The following DMXL2 variants were observed in gnomAD, a reference collection of about 807,000 sequenced individuals.
DMXL2 encodes dmX-like protein 2.
A neutral mutation model predicts 331.1 loss-of-function variants in DMXL2; 103 were observed. The ratio of observed to expected loss-of-function variants is 0.31; its 90% CI spans 0.27 to 0.37. DMXL2 has a LOEUF of 0.37. DMXL2 is among the 10% of genes least tolerant of loss of function. DMXL2 has a pLI of 1.00. For missense variants in DMXL2, 3,171 were observed against 3,642.9 expected (o/e 0.87, Z 3.33); for synonymous variants, 1,281 against 1,252.1 (o/e 1.02, Z -0.49).
intron 19 of DMXL2, among the ~76,000 whole-genome samples, chr15:51,494,027 C>G (rs553516765): frequency 6.6e-6 from 1 of 152,176 alleles, no homozygotes; most frequent in South Asian, 2.1e-4. Context: ...CTTATCAAGA[C>G]TGAAGAATTT....
intron 17 of DMXL2, 92 bp from the exon 18 acceptor site, chr15:51,500,323 A>C (rs1343388635): frequency 6.2e-6 from 8 of 1,286,808 alleles, no homozygotes; most frequent in Middle Eastern, 5.3e-4. Flanking sequence ...TGATCAATTT[A>C]AAGTCACTAT....
chr15:51,527,670 C>T (rs1035612799), intron 13 of DMXL2, among the ~76,000 whole-genome samples: 6 of 150,548 alleles, frequency 4.0e-5, no homozygotes, highest in African/African-American at 1.5e-4. Flanking sequence ...TGCAGTGAGC[C>T]GAGATGGTGC....
At chr15:51,505,430 C>T (rs1207362478) in intron 16 of DMXL2, among the ~76,000 whole-genome samples, 1 of 152,212 alleles carries the variant, frequency 6.6e-6, no homozygotes, top group East Asian at 1.9e-4. Context: ...CCCACAAGGA[C>T]CTGTTACTAC....
At position 51,478,365 on chromosome 15, in the gene DMXL2, A is replaced by G. The variant is rs751881264; in HGVS notation, c.6757-18T>C. The G allele has an allele frequency of 1.2e-6, 2 of 1,606,568 alleles. No individual in the cohort carries two copies. Among genetic ancestry groups the G allele is most frequent in the Non-Finnish European group, 1.7e-6 (2 of 1,174,636 alleles). ...GTGTGCACCTAAAACCAAAACAGTC[A>G]CAATTACATTTTGTACTAACATTTC... On this transcript the variant is annotated intron_variant, in intron 25 of 43. Transcript: ENST00000560891.
intron 13 of DMXL2, 151 bp downstream of exon 13, chr15:51,535,512 G>GA: frequency 1.7e-6 from 1 of 587,436 alleles, no homozygotes; most frequent in Non-Finnish European, 2.6e-6. Flanking sequence ...CACAGCTTAG[G>GA]AAAAAATAAA....
intron 1 of DMXL2, among the ~76,000 whole-genome samples, chr15:51,613,965 T>G (rs2124876): frequency 6.6e-6 from 1 of 152,002 alleles, no homozygotes; most frequent in African/African-American, 2.4e-5. Flanking sequence ...ATTGTTAACA[T>G]GTGTTGTGGA....
chr15:51,453,426 T>A, intron 41 of DMXL2, 124 bp downstream of exon 41: 1 of 641,404 alleles, frequency 1.6e-6, no homozygotes. Context: ...ATAAGAATTA[T>A]GTAACAAAGT....
intron 1 of DMXL2, among the ~76,000 whole-genome samples, chr15:51,594,886 A>G (rs1482446690): frequency 6.6e-6 from 1 of 152,366 alleles, no homozygotes; most frequent in Admixed American, 6.5e-5. Context: ...AAAACTCTCA[A>G]TAAATTAGGT....
chr15:51,482,757 T>C (rs1458941117), intron 23 of DMXL2, among the ~76,000 whole-genome samples: 1 of 152,178 alleles, frequency 6.6e-6, no homozygotes, highest in African/African-American at 2.4e-5. Context: ...TTCCCATTTG[T>C]GAAAGAACAA....
intron 1 of DMXL2, among the ~76,000 whole-genome samples, chr15:51,599,365 G>C (rs4775958): frequency 0.48 from 72,461 of 152,026 alleles, 17,662 homozygotes; most frequent in Non-Finnish European, 0.52. Context: ...ACTGCTTCTA[G>C]GCCTCTCAGC....
rs762466145 is a variant in DMXL2 at position 51,537,801 on chromosome 15, T to C, written c.1346-42A>G. 41 of 1,557,214 alleles carry C rather than the reference T, an allele frequency of 2.6e-5. No homozygotes were observed. In the East Asian group the frequency reaches 9.2e-4, roughly 35 times the overall value. ...ATTTATCAATACAAGCATTAAATAA[T>C]TCATTTACATACTAGACTATAAATA... is the stretch of plus-strand genomic sequence containing the variant. On this transcript the variant is annotated intron_variant, in intron 10 of 43. Transcript: ENST00000560891.
Position 51,488,564 on chromosome 15 carries a change from C to T in DMXL2, c.5035G>A (p.Val1679Met). 2 of 1,613,530 alleles carry T rather than the reference C, an allele frequency of 1.2e-6. No homozygotes were observed. Among genetic ancestry groups the T allele is most frequent in the Non-Finnish European group, 1.7e-6 (2 of 1,179,812 alleles). Reference sequence around the variant, plus strand: ...GCAACTTACCTAAACAGACCCCACACTACTGCTTTCTTCTTCATTGAAAGG... The same window carrying T: ...GCAACTTACCTAAACAGACCCCACATTACTGCTTTCTTCTTCATTGAAAGG... Reference protein sequence around the residue: ...FYLSMKKKAVVWGLFRSQHDE... With the variant: ...FYLSMKKKAVMWGLFRSQHDE... Residue 1679 changes from valine (V) to methionine (M), a missense_variant, in exon 21 of 44, where the codon GTG becomes ATG. Physicochemically the swap from Val to Met is conservative, Grantham distance 21. Coordinates refer to ENST00000560891, the MANE Select transcript of DMXL2 (RefSeq NM_001378457.1).
chr15:51,541,893 T>C (rs532439268), intron 9 of DMXL2, among the ~76,000 whole-genome samples: 43 of 152,114 alleles, frequency 2.8e-4, no homozygotes, highest in Non-Finnish European at 5.1e-4. Context: ...TTCCTTAGTA[T>C]AGGACAAGAA....
At chr15:51,612,478 A>G (rs2054036065) in intron 1 of DMXL2, among the ~76,000 whole-genome samples, 1 of 152,132 alleles carries the variant, frequency 6.6e-6, no homozygotes, top group Non-Finnish European at 1.5e-5. Context: ...AGAGTACAAA[A>G]GAGAAATTTT....
chr15:51,498,710 T>C lies in DMXL2; in HGVS notation c.4514A>G (p.Tyr1505Cys), dbSNP rs2043362016. ...TACCCTTGCATGTTCTTGGCCAAAGTAAGCTGGTCCATATTGAGAAAGATT... is the reference window on the plus strand; with the variant it reads ...TACCCTTGCATGTTCTTGGCCAAAGCAAGCTGGTCCATATTGAGAAAGATT... ...VINLSQYGPAYFGQEHARVLS... is the reference protein window; with the variant it reads ...VINLSQYGPACFGQEHARVLS... Residue 1505 changes from tyrosine (Y) to cysteine (C), a missense_variant, in exon 18 of 44, where the codon TAC (tyrosine) becomes TGC (cysteine). Physicochemically the swap from Tyr to Cys is radical, Grantham distance 194 (BLOSUM62 -2). Around this residue, in one of 7 missense-constraint regions of DMXL2, gnomAD observed 252 missense variants for 387.4 expected, o/e 0.65. Coordinates refer to ENST00000560891, the MANE Select transcript of DMXL2 (RefSeq NM_001378457.1). 1.2e-6 allele frequency: 2 copies of C among 1,614,068 alleles called. No individual in the cohort carries two copies. The highest frequency in any genetic ancestry group is 2.2e-5 in the East Asian group (1 of 44,884).
At chr15:51,543,271 A>AT (rs1186601303) in intron 8 of DMXL2, among the ~76,000 whole-genome samples, 9 of 152,152 alleles carry the variant, frequency 5.9e-5, no homozygotes, top group Non-Finnish European at 1.2e-4. Context: ...TTTCATAATA[A>AT]TTTTTTATTA....
chr15:51,610,565 G>A (rs1028337226), intron 1 of DMXL2, among the ~76,000 whole-genome samples: 6 of 152,074 alleles, frequency 3.9e-5, no homozygotes, highest in African/African-American at 7.2e-5. Context: ...TCAGGAGATC[G>A]AGACCATCCT....
intron 13 of DMXL2, among the ~76,000 whole-genome samples, chr15:51,522,029 G>A (rs1176905699): frequency 6.6e-6 from 1 of 151,942 alleles, no homozygotes; most frequent in Non-Finnish European, 1.5e-5. Flanking sequence ...GAATACCTTA[G>A]TAAGTACTCA....
At chr15:51,589,914 T>C (rs1026946772) in intron 1 of DMXL2, among the ~76,000 whole-genome samples, 13 of 152,224 alleles carry the variant, frequency 8.5e-5, no homozygotes, top group Non-Finnish European at 1.6e-4. Flanking sequence ...ATTAAGATGT[T>C]TATTGCACCA....
Sources: gnomAD v4.1 joint callset for allele counts (sites outside exome capture counted in the v4.1 genomes callset) on GRCh38, gnomAD v4.1.1 for gene constraint, gnomAD v4.1.1 regional missense constraint, MANE v1.5 for transcripts, NCBI Gene and HGNC (gene_info 2026-07-23, HGNC 2026-07-21) for gene names.